PTPN12: variants seen among roughly 807,000 people sequenced by gnomAD.
The protein encoded by PTPN12 is protein tyrosine phosphatase non-receptor type 12.
In PTPN12, 29 loss-of-function variants were observed where a neutral mutation model predicts 97.6. The ratio of observed to expected loss-of-function variants is 0.30; its 90% confidence interval spans 0.22 to 0.41. The LOEUF is 0.41. PTPN12 is among the 10% of genes least tolerant of loss of function. PTPN12 has a pLI of 1.00. For synonymous variants in PTPN12, 327 were observed against 300.4 expected, an observed-to-expected ratio of 1.09 and a Z score of -0.91; for missense variants, 819 against 926.0, an observed-to-expected ratio of 0.88 and a Z score of 1.50.
chr7:77,537,477 G>C lies in PTPN12; in HGVS notation c.-70G>C, dbSNP rs947774807. The C allele has an allele frequency of 4.8e-5, 71 of 1,482,392 alleles. No homozygotes were observed. In the African/African-American group the frequency reaches 9.6e-4, roughly 20 times the overall value. 91.8% of individuals were successfully genotyped at this position (1,482,392 alleles called of 1,614,324 possible). ...GCTGGGGGAACGAGCTGGGGAAGAC[G>C]GAGCGGGCTCTGTGCCGGGCGGGCG... On this transcript the variant is annotated 5_prime_UTR_variant, in exon 1 of 18. Coordinates refer to ENST00000248594, the MANE Select transcript of PTPN12 (RefSeq NM_002835.4).
chr7:77,587,677 C>T (rs539275896), intron 5 of PTPN12, among the ~76,000 whole-genome samples: 23 of 152,320 alleles, frequency 1.5e-4, no homozygotes, highest in African/African-American at 2.4e-4. Context: ...TGAAGCTAGA[C>T]GTTGACTTCT....
At chr7:77,613,526 T>G (rs950401603) in intron 11 of PTPN12, among the ~76,000 whole-genome samples, 2 of 152,094 alleles carry the variant, frequency 1.3e-5, no homozygotes, top group African/African-American at 4.8e-5. Flanking sequence ...GAATTCAAGA[T>G]TAATTTCAAA....
chr7:77,597,940 T>G, intron 7 of PTPN12, 39 bp downstream of exon 7: 1 of 1,599,730 alleles, frequency 6.3e-7, no homozygotes. Flanking sequence ...GTAAGAATAG[T>G]TTTCAGGCTG....
In PTPN12 at chr7:77,632,303, T is replaced by C. The variant is rs761655831; in HGVS notation, c.1997-45T>C. ...GTCAAGAAAGCTCTCTGATTTTGTT[T>C]AGATGACATGTTAATTTGTCTAAAT... is the stretch of plus-strand genomic sequence containing the variant. On this transcript the variant is annotated intron_variant, in intron 13 of 17. Coordinates refer to ENST00000248594, the MANE Select transcript of PTPN12 (RefSeq NM_002835.4). 5 of 1,344,594 alleles carry C rather than the reference T, an allele frequency of 3.7e-6. No homozygotes were observed. The South Asian group carries it at 4.8e-5, about 13-fold the overall frequency. 83.3% of individuals were successfully genotyped at this position (1,344,594 alleles called of 1,614,324 possible).
At chr7:77,555,650 C>T (rs1337018518) in intron 1 of PTPN12, among the ~76,000 whole-genome samples, 3 of 152,148 alleles carry the variant, frequency 2.0e-5, no homozygotes, top group Non-Finnish European at 2.9e-5. Flanking sequence ...CACGGTGGCT[C>T]ACGCCTGTAA....
chr7:77,633,806 T>G (rs769340835), intron 14 of PTPN12, among the ~76,000 whole-genome samples: 1 of 151,914 alleles, frequency 6.6e-6, no homozygotes, highest in Non-Finnish European at 1.5e-5. Flanking sequence ...GAGGATTGCT[T>G]GAGCCTAAGA....
rs770673533 is a variant in PTPN12, at chr7:77,627,311, C to A, written c.1632C>A (p.Ala544=). The change falls in exon 13 of 18, where the codon GCC becomes GCA. Residue 544 remains alanine, a synonymous_variant. Transcript: ENST00000248594. ...VTWSFHGPEN[A]IPIPDLSEGN... Reference sequence around the variant, plus strand: ...GGTCATTTCATGGACCTGAAAATGCCATACCCATACCTGATTTATCTGAAG... The same window carrying A: ...GGTCATTTCATGGACCTGAAAATGCAATACCCATACCTGATTTATCTGAAG... The A allele has an allele frequency of 6.2e-6, 10 of 1,614,156 alleles. No homozygotes were observed. In the East Asian group the frequency reaches 1.8e-4, roughly 29 times the overall value.
rs1481062310 is a variant in PTPN12 at position 77,639,300 on chromosome 7, CTT to C, written c.*22_*23del. 6.3e-7 allele frequency: 1 copy of C among 1,597,644 alleles called. No homozygotes were observed. The highest frequency in any genetic ancestry group is 8.6e-7 in the Non-Finnish European group (1 of 1,167,794). ...ACATGATTCAGGGAGCTAGAAGACA[CTT>C]TAAGTTATACTGGAAAATTCAGGTG... On this transcript the variant is annotated 3_prime_UTR_variant, in exon 18 of 18. Transcript: ENST00000248594.
intron 1 of PTPN12, among the ~76,000 whole-genome samples, chr7:77,567,860 A>G (rs1368976068): frequency 6.6e-6 from 1 of 152,224 alleles, no homozygotes; most frequent in Admixed American, 6.5e-5. Flanking sequence ...TTTGCTGAGT[A>G]AAGGTTATTA....
At chr7:77,618,108 CT>C (rs1023466690) in intron 11 of PTPN12, among the ~76,000 whole-genome samples, 3 of 150,478 alleles carry the variant, frequency 2.0e-5, no homozygotes, top group Non-Finnish European at 3.0e-5. Context: ...TATTTGTTGG[CT>C]TTTTTTTTGT....
chr7:77,543,778 T>C (rs781213257), intron 1 of PTPN12, among the ~76,000 whole-genome samples: 33 of 152,224 alleles, frequency 2.2e-4, no homozygotes, highest in Non-Finnish European at 4.1e-4. Flanking sequence ...ATGTGGTGTT[T>C]TGTGACTGAC....
intron 17 of PTPN12, 146 bp downstream of exon 17, chr7:77,638,877 A>G (rs1461656728): frequency 7.8e-7 from 1 of 1,276,066 alleles, no homozygotes; most frequent in Non-Finnish European, 1.0e-6. Context: ...TAAATGAAAT[A>G]CTTAATTCTA....
In PTPN12 at chr7:77,627,204, A is replaced by G; in HGVS notation, c.1525A>G (p.Thr509Ala). 1.2e-6 allele frequency: 2 copies of G among 1,614,062 alleles called. No individual in the cohort carries two copies. The highest frequency in any genetic ancestry group is 1.7e-6 in the Non-Finnish European group (2 of 1,180,006). ...AACACAATCAAACAAAGTTTCAGTT[A>G]CTCCACCAGAAGAATCCCAGAATTC... ...SVTQSNKVSV[T>A]PPEESQNSDT... Residue 509 changes from threonine (T) to alanine (A), a missense_variant, in exon 13 of 18, where the codon ACT (threonine) becomes GCT (alanine). Around this residue, in one of 5 missense-constraint regions of PTPN12, gnomAD observed 607 missense variants for 577.3 expected, o/e 1.05. Coordinates refer to ENST00000248594, the MANE Select transcript of PTPN12 (RefSeq NM_002835.4).
intron 1 of PTPN12, among the ~76,000 whole-genome samples, chr7:77,554,840 C>CA (rs1442665959): frequency 6.6e-6 from 1 of 152,122 alleles, no homozygotes; most frequent in East Asian, 1.9e-4. Flanking sequence ...CCGCCATACT[C>CA]ACTTAAGTTT....
At position 77,627,076 on chromosome 7, in the gene PTPN12, C is replaced by T; in HGVS notation, c.1397C>T (p.Ser466Phe). 6.2e-7 allele frequency: 1 copy of T among 1,613,994 alleles called. No individual in the cohort carries two copies. Among genetic ancestry groups the T allele is most frequent in the South Asian group, 1.1e-5 (1 of 91,070 alleles). Residue 466 changes from serine to phenylalanine, a missense_variant, in exon 13 of 18, where the codon TCT becomes TTT. By Grantham distance (155) the Ser-to-Phe change is radical. Around this residue, in one of 5 missense-constraint regions of PTPN12, gnomAD observed 607 missense variants for 577.3 expected, o/e 1.05. Coordinates refer to ENST00000248594, the MANE Select transcript of PTPN12 (RefSeq NM_002835.4). ...LNRGHAIKIKSASPCIADKIS... is the reference protein window; with the variant it reads ...LNRGHAIKIKFASPCIADKIS... The stretch of plus-strand genomic sequence containing the variant: ...AGGGGACATGCAATTAAAATTAAAT[C>T]TGCTTCACCTTGTATAGCTGATAAA...
In PTPN12 at chr7:77,610,674, A is replaced by G. The variant is rs1329544351; in HGVS notation, c.763-91A>G. Reference sequence around the variant, plus strand: ...CAATAAATGTTTGCAGTAAACCAGCAGGTATTTAAGTTTTATGTGAAAAGC... The same window carrying G: ...CAATAAATGTTTGCAGTAAACCAGCGGGTATTTAAGTTTTATGTGAAAAGC... On this transcript the variant is annotated intron_variant, in intron 9 of 17. Coordinates refer to ENST00000248594, the MANE Select transcript of PTPN12 (RefSeq NM_002835.4). 3 of 1,273,506 alleles carry G rather than the reference A, an allele frequency of 2.4e-6. No individual in the cohort carries two copies. In the East Asian group the frequency reaches 7.3e-5, roughly 31 times the overall value. 78.9% of individuals were successfully genotyped at this position (1,273,506 alleles called of 1,614,324 possible).
chr7:77,558,647 G>C (rs1417307809), intron 1 of PTPN12, among the ~76,000 whole-genome samples: 1 of 152,142 alleles, frequency 6.6e-6, no homozygotes, highest in Non-Finnish European at 1.5e-5. Context: ...TCCCTTGGCT[G>C]GTGTCTGGGA....
chr7:77,611,855 A>T (rs974090085), intron 11 of PTPN12, among the ~76,000 whole-genome samples: 12 of 152,178 alleles, frequency 7.9e-5, no homozygotes, highest in African/African-American at 2.9e-4. Flanking sequence ...ATCTTACTGG[A>T]TATTCAACTT....
intron 14 of PTPN12, among the ~76,000 whole-genome samples, chr7:77,633,594 G>C (rs1390365127): frequency 6.7e-6 from 1 of 149,236 alleles, no homozygotes; most frequent in Non-Finnish European, 1.5e-5. Context: ...GGGCAACAGA[G>C]CAAGACTCCA....
Sources: gnomAD v4.1 joint callset for allele counts (sites outside exome capture counted in the v4.1 genomes callset) on GRCh38, gnomAD v4.1.1 for gene constraint, gnomAD v4.1.1 regional missense constraint, MANE v1.5 for transcripts, NCBI Gene and HGNC (gene_info 2026-07-23, HGNC 2026-07-21) for gene names.